R3HDM2: variants seen among roughly 807,000 people sequenced by gnomAD.
R3HDM2 encodes the protein R3H domain-containing protein 2.
Under a neutral mutation model 124.5 loss-of-function variants are expected in R3HDM2, and 38 were observed. That is an observed-to-expected ratio of 0.31 (90% CI 0.24 to 0.40). The LOEUF is 0.40. R3HDM2 is among the 10% of genes least tolerant of loss of function. The pLI is 1.00. For synonymous variants in R3HDM2, 391 were observed against 448.0 expected (o/e 0.87, Z 1.61); for missense variants, 869 against 1,236.9 (o/e 0.70, Z 4.46).
In R3HDM2 at chr12:57,419,144, C is replaced by CT. The variant is rs923524630; in HGVS notation, c.-106+11575dup. On this transcript the variant is annotated intron_variant, in intron 1 of 23. Transcript: ENST00000402412. ...TATATACCATCCATATTCTCCTTTC[C>CT]TTTTTTTTTTTTTTTTTGATACGGA... is the stretch of plus-strand genomic sequence containing the variant. Among the ~76,000 whole-genome samples the CT allele has an allele frequency of 9.8e-3, 1,371 of 139,254 alleles. 7 individuals carry two copies. Among genetic ancestry groups the CT allele is most frequent in the South Asian group, 0.023 (99 of 4,290 alleles). 91.4% of individuals were successfully genotyped at this position (139,254 alleles called of 152,430 possible). A position where few individuals can be genotyped will look rare whatever the true frequency, so the allele number is the denominator to read the frequency against.
intron 19 of R3HDM2, among the ~76,000 whole-genome samples, chr12:57,265,933 A>G (rs907163674): frequency 1.3e-5 from 2 of 148,822 alleles, no homozygotes; most frequent in Non-Finnish European, 1.5e-5. Context: ...AGTAGCTGGG[A>G]TTACAGATGC....
At chr12:57,374,921 G>A (rs369748236) in intron 2 of R3HDM2, among the ~76,000 whole-genome samples, 3 of 148,538 alleles carry the variant, frequency 2.0e-5, no homozygotes, top group South Asian at 2.1e-4. Context: ...GCGTGAACCC[G>A]GGAGGCGGAG....
intron 2 of R3HDM2, among the ~76,000 whole-genome samples, chr12:57,334,100 CA>C (rs2058561435): frequency 6.6e-6 from 1 of 152,058 alleles, no homozygotes; most frequent in Admixed American, 6.6e-5. Flanking sequence ...TCCTCTAGTC[CA>C]GAAGGTCATA....
At chr12:57,426,809 G>C (rs2070781781) in intron 1 of R3HDM2, among the ~76,000 whole-genome samples, 1 of 152,096 alleles carries the variant, frequency 6.6e-6, no homozygotes, top group African/African-American at 2.4e-5. Context: ...CTCTCAATGA[G>C]TACCTTAGAA....
chr12:57,420,000 A>G (rs2070033453), intron 1 of R3HDM2, among the ~76,000 whole-genome samples: 1 of 152,122 alleles, frequency 6.6e-6, no homozygotes, highest in East Asian at 1.9e-4. Context: ...CACAAGTAAT[A>G]TAAAGGTCAT....
At chr12:57,265,269 T>C (rs972993273) in intron 19 of R3HDM2, among the ~76,000 whole-genome samples, 6 of 152,206 alleles carry the variant, frequency 3.9e-5, no homozygotes, top group Non-Finnish European at 7.3e-5. Context: ...TTTAATTTCT[T>C]TGAGTTTTAA....
chr12:57,333,269 A>G (rs1231883193), intron 2 of R3HDM2, among the ~76,000 whole-genome samples: 1 of 152,202 alleles, frequency 6.6e-6, no homozygotes, highest in Non-Finnish European at 1.5e-5. Context: ...CTCCAGACCA[A>G]AGAGAGAGAC....
chr12:57,379,771 C>G (rs2064589243), intron 2 of R3HDM2, among the ~76,000 whole-genome samples: 1 of 151,870 alleles, frequency 6.6e-6, no homozygotes, highest in Admixed American at 6.6e-5. Flanking sequence ...AAATATAAGC[C>G]TATATATGTA....
At chr12:57,386,919 TTA>T (rs1360052324) in intron 2 of R3HDM2, among the ~76,000 whole-genome samples, 2 of 152,048 alleles carry the variant, frequency 1.3e-5, no homozygotes, top group Admixed American at 1.3e-4. Context: ...TGGAGAACCT[TTA>T]TGTCTAGCTA....
chr12:57,305,681 CAGACAATTACAATA>C, intron 3 of R3HDM2: 1 of 398,942 alleles, frequency 2.5e-6, no homozygotes, highest in Middle Eastern at 6.3e-4. Context: ...AGAAGACAGA[CAGACAATTACAATA>C]CAGTACATTA....
chr12:57,293,073 G>T (rs2048979994), intron 10 of R3HDM2, among the ~76,000 whole-genome samples: 1 of 152,150 alleles, frequency 6.6e-6, no homozygotes, highest in African/African-American at 2.4e-5. Context: ...AGAAACAGGT[G>T]TTTAGCAGAG....
chr12:57,258,501 C>T (rs188414193), intron 20 of R3HDM2, among the ~76,000 whole-genome samples: 5 of 151,990 alleles, frequency 3.3e-5, no homozygotes, highest in South Asian at 4.2e-4. Context: ...CCCACCATCA[C>T]GCCTGGCTAA....
chr12:57,318,420 G>C (rs2055656752), intron 2 of R3HDM2, among the ~76,000 whole-genome samples: 1 of 151,944 alleles, frequency 6.6e-6, no homozygotes, highest in South Asian at 2.1e-4. Context: ...GGGGGCCGAG[G>C]TGGGCAGATC....
chr12:57,338,094 A>C (rs1413158894), intron 2 of R3HDM2, among the ~76,000 whole-genome samples: 1 of 152,246 alleles, frequency 6.6e-6, no homozygotes, highest in Non-Finnish European at 1.5e-5. Flanking sequence ...ACCTGAGGTC[A>C]GGAGTTCAAG....
intron 2 of R3HDM2, among the ~76,000 whole-genome samples, chr12:57,367,210 C>T (rs2062773326): frequency 6.6e-6 from 1 of 152,190 alleles, no homozygotes; most frequent in South Asian, 2.1e-4. Context: ...TATTCCTCAA[C>T]TAATCCTTTC....
In R3HDM2 at chr12:57,409,501, G is replaced by A. The variant is rs1594565726; in HGVS notation, c.-105-13683C>T. 3.6e-5 allele frequency among the ~76,000 whole-genome samples: 5 copies of A among 140,498 alleles called. No individual in the cohort carries two copies. The South Asian group carries it at 1.2e-3, about 33-fold the overall frequency. 92.2% of individuals were successfully genotyped at this position (140,498 alleles called of 152,430 possible). A position where few individuals can be genotyped will look rare whatever the true frequency, so the allele number is the denominator to read the frequency against. On this transcript the variant is annotated intron_variant, in intron 1 of 23. Coordinates refer to ENST00000402412, the MANE Select transcript of R3HDM2 (RefSeq NM_001394031.1). ...AAGTTATTTAATAAAAACTAGAGCT[G>A]AGAGGTGGGGCAAAAAAAAAAAAAG... is the stretch of plus-strand genomic sequence containing the variant.
intron 1 of R3HDM2, among the ~76,000 whole-genome samples, chr12:57,404,571 C>T (rs1242896436): frequency 2.6e-5 from 4 of 152,026 alleles, no homozygotes; most frequent in African/African-American, 4.8e-5. Flanking sequence ...GGCATGGTGG[C>T]GTGCGCCTGT....
At chr12:57,355,140 T>C (rs1004578141) in intron 2 of R3HDM2, among the ~76,000 whole-genome samples, 1 of 152,012 alleles carries the variant, frequency 6.6e-6, no homozygotes, top group Non-Finnish European at 1.5e-5. Context: ...TTGTTTTTAG[T>C]ATACGGTTTA....
At chr12:57,365,052 C>T (rs1008483924) in intron 2 of R3HDM2, among the ~76,000 whole-genome samples, 9 of 151,174 alleles carry the variant, frequency 6.0e-5, no homozygotes, top group African/African-American at 2.2e-4. Context: ...CACCTGAGGT[C>T]AGGAGTTCAA....
Sources: allele counts gnomAD v4.1 joint callset (sites outside exome capture counted in the v4.1 genomes callset), GRCh38; gene constraint gnomAD v4.1.1; transcripts MANE v1.5; gene names NCBI Gene and HGNC (gene_info 2026-07-23, HGNC 2026-07-21).